Variants in USP39 observed in about 807,000 individuals in gnomAD.
USP39 encodes the protein ubiquitin carboxyl-terminal hydrolase 39.
Under a neutral mutation model 66.4 loss-of-function variants are expected in USP39, and 38 were observed. That is an observed-to-expected ratio of 0.57 (90% CI 0.44 to 0.75). The LOEUF is 0.75. Among genes scored for constraint, USP39 ranks in the 30% least tolerant of loss-of-function variants. The probability of loss-of-function intolerance (pLI) is 0.00; values close to 1 mark genes in which losing one functional copy is unlikely to be tolerated. For synonymous variants in USP39, 303 were observed against 274.6 expected (o/e 1.10, Z -1.02); for missense variants, 608 against 714.4 (o/e 0.85, Z 1.70).
At chr2:85,633,988 C>T (rs886377965) in intron 6 of USP39, among the ~76,000 whole-genome samples, 1 of 150,326 alleles carries the variant, frequency 6.7e-6, no homozygotes, top group South Asian at 2.1e-4. Flanking sequence ...CAGGCGCCCG[C>T]CACTACGCCC....
chr2:85,641,924 A>AG (rs1558872791), intron 10 of USP39, among the ~76,000 whole-genome samples: 11 of 148,936 alleles, frequency 7.4e-5, no homozygotes, highest in African/African-American at 2.7e-4. Context: ...AAAAAAAAAA[A>AG]AAAAAGAAAG....
At chr2:85,611,242 C>A, upstream of USP39, 1 of 1,342,024 alleles carries the variant, frequency 7.5e-7, no homozygotes, top group Non-Finnish European at 9.5e-7. Context: ...AGTAATAATG[C>A]TTAACAAAAA....
chr2:85,619,218 A>G lies in USP39; in HGVS notation c.269-2A>G, dbSNP rs1674255733. On this transcript the variant is annotated splice_acceptor_variant, in intron 1 of 12. Transcript: ENST00000323701. LOFTEE classifies it high-confidence loss of function. Reference sequence around the variant, plus strand: ...CAAAGCCTGTGATGATTTTCCTTTCAGCAAAGAATGGCCGAGTGGATTCTG... The same window carrying G: ...CAAAGCCTGTGATGATTTTCCTTTCGGCAAAGAATGGCCGAGTGGATTCTG... The G allele has an allele frequency of 6.2e-7, 1 of 1,613,780 alleles. No homozygotes were observed. The highest frequency in any genetic ancestry group is 8.5e-7 in the Non-Finnish European group (1 of 1,179,940).
rs757922278 is a variant in USP39, at chr2:85,616,363, G to A, written c.168G>A (p.Pro56=). ...SPVRVKREFE[P]ASAREAPASV... ...TGCGCGTGAAGCGGGAGTTCGAGCC[G>A]GCGAGCGCGCGCGAGGCCCCGGCTT... Residue 56 remains proline (P), a synonymous_variant, in exon 1 of 13, where the codon CCG becomes CCA. Transcript: ENST00000323701. 1.9e-6 allele frequency: 3 copies of A among 1,601,414 alleles called. No individual in the cohort carries two copies. The highest frequency in any genetic ancestry group is 1.1e-5 in the South Asian group (1 of 89,372).
At chr2:85,611,891 T>C (rs750452061), upstream of USP39, 1 of 1,596,332 alleles carries the variant, frequency 6.3e-7, no homozygotes, top group African/African-American at 1.3e-5. Flanking sequence ...GCGATCTGGT[T>C]CCGTCGGATA....
intron 10 of USP39, among the ~76,000 whole-genome samples, chr2:85,644,308 G>A (rs1328146785): frequency 6.6e-6 from 1 of 151,996 alleles, no homozygotes; most frequent in Non-Finnish European, 1.5e-5. Context: ...ACCTTGTATT[G>A]TGTAAGTTTT....
chr2:85,648,726 T>C (rs1676832189), intron 12 of USP39, 35 bp from the exon 13 acceptor site: 28 of 1,611,582 alleles, frequency 1.7e-5, no homozygotes, highest in Middle Eastern at 1.7e-4. Flanking sequence ...ACTGAATGCC[T>C]CCTAGACTTC....
chr2:85,622,646 T>C (rs936259721), intron 3 of USP39, among the ~76,000 whole-genome samples: 3 of 151,822 alleles, frequency 2.0e-5, no homozygotes, highest in African/African-American at 7.3e-5. Context: ...GAATATTCTT[T>C]AGCTCAAAGG....
chr2:85,623,310 A>G (rs1573404118), intron 3 of USP39, among the ~76,000 whole-genome samples: 1 of 151,156 alleles, frequency 6.6e-6, no homozygotes, highest in Non-Finnish European at 1.5e-5. Flanking sequence ...TTTCATGTAT[A>G]TAGGAAACTA....
At chr2:85,635,388 C>G (rs1194111539) in intron 6 of USP39, among the ~76,000 whole-genome samples, 1 of 152,020 alleles carries the variant, frequency 6.6e-6, no homozygotes, top group Non-Finnish European at 1.5e-5. Context: ...GGTGAAGCCC[C>G]GTCTCTACTA....
At chr2:85,634,927 C>T (rs1293295710) in intron 6 of USP39, among the ~76,000 whole-genome samples, 1 of 152,130 alleles carries the variant, frequency 6.6e-6, no homozygotes, top group Non-Finnish European at 1.5e-5. Flanking sequence ...GCAGAAAAAC[C>T]AGGGTACCCT....
At chr2:85,620,727 T>C (rs559565100) in intron 2 of USP39, among the ~76,000 whole-genome samples, 54 of 152,300 alleles carry the variant, frequency 3.5e-4, no homozygotes, top group African/African-American at 1.3e-3. Context: ...GAGGGACAGC[T>C]GTATTTTAAA....
At chr2:85,617,443 C>T (rs536253199) in intron 1 of USP39, among the ~76,000 whole-genome samples, 1 of 152,312 alleles carries the variant, frequency 6.6e-6, no homozygotes, top group East Asian at 1.9e-4. Context: ...ACTGCCTTTT[C>T]TCCTGGACTC....
At chr2:85,629,468 G>A (rs1270217544) in intron 5 of USP39, among the ~76,000 whole-genome samples, 1 of 150,156 alleles carries the variant, frequency 6.7e-6, no homozygotes, top group Non-Finnish European at 1.5e-5. Context: ...TGTTTTTATT[G>A]TCCTAAACCT....
At chr2:85,646,190 C>T (rs898529468) in intron 11 of USP39, 3 of 152,202 alleles carry the variant, frequency 2.0e-5, no homozygotes, top group African/African-American at 7.2e-5. Context: ...TCCCTTTCAT[C>T]TTAAAAATGT....
chr2:85,626,290 C>T (rs1373523781), intron 5 of USP39, among the ~76,000 whole-genome samples: 3 of 152,038 alleles, frequency 2.0e-5, no homozygotes, highest in Non-Finnish European at 4.4e-5. Flanking sequence ...ACCCAGGAGG[C>T]GGAGGTTGCA....
At chr2:85,630,223 G>A (rs1425217796) in intron 5 of USP39, among the ~76,000 whole-genome samples, 1 of 151,846 alleles carries the variant, frequency 6.6e-6, no homozygotes, top group East Asian at 1.9e-4. Flanking sequence ...TATGGTTTTA[G>A]TATGGGAAAA....
At chr2:85,609,199 G>T (rs181444910), upstream of USP39, 27 of 1,341,306 alleles carry the variant, frequency 2.0e-5, no homozygotes, top group African/African-American at 3.1e-4. Context: ...TTTCCTATGT[G>T]TCTCCTGTAA....
chr2:85,609,527 C>T, upstream of USP39: 1 of 1,614,210 alleles, frequency 6.2e-7, no homozygotes. Flanking sequence ...TCAGAGCCTC[C>T]ACTACTGCTG....
Sources: gnomAD v4.1 joint callset for allele counts (sites outside exome capture counted in the v4.1 genomes callset) on GRCh38, gnomAD v4.1.1 for gene constraint, MANE v1.5 for transcripts, NCBI Gene and HGNC (gene_info 2026-07-23, HGNC 2026-07-21) for gene names.